The following HSF5 variants were observed in gnomAD, a reference collection of about 807,000 sequenced individuals.
HSF5 encodes heat shock factor protein 5.
Under a neutral mutation model 50.8 loss-of-function variants are expected in HSF5, and 5 were observed. That is an observed-to-expected ratio of 0.10 (90% CI 0.05 to 0.21). The LOEUF (loss-of-function observed/expected upper bound fraction) is 0.21. HSF5 is among the 10% of genes least tolerant of loss of function. HSF5 has a pLI of 1.00. For synonymous variants in HSF5, 307 were observed against 307.4 expected (o/e 1.00, Z 0.02); for missense variants, 564 against 762.6 (o/e 0.74, Z 3.07).
chr17:58,460,715 TAA>T (rs34530310), intron 4 of HSF5, among the ~76,000 whole-genome samples: 22,851 of 151,156 alleles, frequency 0.15, 2,080 homozygotes, highest in Non-Finnish European at 0.21. Context: ...TTCACCGTGT[TAA>T]CCAGGATGGT....
chr17:58,484,483 A>ATG (rs762057069), intron 1 of HSF5, among the ~76,000 whole-genome samples: 1 of 152,026 alleles, frequency 6.6e-6, no homozygotes, highest in African/African-American at 2.4e-5. Flanking sequence ...GTTGGTTTTT[A>ATG]TGTGTGTGTG....
At chr17:58,457,810 A>G (rs1440960147) in intron 5 of HSF5, among the ~76,000 whole-genome samples, 2 of 152,252 alleles carry the variant, frequency 1.3e-5, no homozygotes, top group Non-Finnish European at 2.9e-5. Flanking sequence ...TTCAGTGGTA[A>G]GAAATCTTTA....
intron 5 of HSF5, among the ~76,000 whole-genome samples, chr17:58,441,371 T>C (rs1974495818): frequency 1.3e-5 from 2 of 152,190 alleles, no homozygotes; most frequent in Non-Finnish European, 2.9e-5. Context: ...GCTGAAGCGA[T>C]GTTTAAAGGG....
chr17:58,470,862 G>A (rs1392923790), intron 2 of HSF5, among the ~76,000 whole-genome samples: 2 of 152,092 alleles, frequency 1.3e-5, no homozygotes, highest in African/African-American at 4.8e-5. Flanking sequence ...GGAGGCAGAG[G>A]TTGCAGTCAG....
At chr17:58,446,010 C>T (rs1974556800) in intron 5 of HSF5, among the ~76,000 whole-genome samples, 1 of 151,788 alleles carries the variant, frequency 6.6e-6, no homozygotes. Context: ...TGGTGGCAGG[C>T]GCCTGTAATA....
chr17:58,485,695 C>T (rs1299590229), intron 1 of HSF5, among the ~76,000 whole-genome samples: 1 of 140,148 alleles, frequency 7.1e-6, no homozygotes, highest in Non-Finnish European at 1.5e-5. Flanking sequence ...TGCAGTGAGC[C>T]AAGATCTTGC....
intron 5 of HSF5, among the ~76,000 whole-genome samples, chr17:58,427,135 C>T (rs1974306695): frequency 1.3e-5 from 2 of 152,006 alleles, no homozygotes; most frequent in Admixed American, 1.3e-4. Context: ...AGTGTGGTGG[C>T]ATGTGGCTAT....
chr17:58,436,423 A>T (rs1327238068), intron 5 of HSF5, among the ~76,000 whole-genome samples: 1 of 151,806 alleles, frequency 6.6e-6, no homozygotes, highest in Admixed American at 6.6e-5. Flanking sequence ...TGAAAATGTG[A>T]TTAGGTGTCA....
At chr17:58,442,069 C>T (rs756569924) in intron 5 of HSF5, among the ~76,000 whole-genome samples, 1 of 152,164 alleles carries the variant, frequency 6.6e-6, no homozygotes, top group Non-Finnish European at 1.5e-5. Context: ...TTGTATGGGT[C>T]TTTGGCATTG....
chr17:58,450,580 C>A (rs1486128435), intron 5 of HSF5, among the ~76,000 whole-genome samples: 1 of 150,048 alleles, frequency 6.7e-6, no homozygotes, highest in Non-Finnish European at 1.5e-5. Context: ...ATGGAGAAAC[C>A]CTGTCTCTAC....
chr17:58,467,734 A>G (rs542818693), intron 2 of HSF5, among the ~76,000 whole-genome samples: 1 of 152,258 alleles, frequency 6.6e-6, no homozygotes, highest in African/African-American at 2.4e-5. Context: ...GTTAGCTGCT[A>G]TTATTTTAAC....
At chr17:58,432,405 G>A (rs374715894) in intron 5 of HSF5, among the ~76,000 whole-genome samples, 1 of 152,204 alleles carries the variant, frequency 6.6e-6, no homozygotes, top group Non-Finnish European at 1.5e-5. Flanking sequence ...GGCATGGTCA[G>A]GAAGATTTCT....
In HSF5 at chr17:58,462,820, C is replaced by G; in HGVS notation, c.1504G>C (p.Val502Leu). The change falls in exon 4 of 6, where the codon GTA becomes CTA. Residue 502 changes from valine (V) to leucine (L), a missense_variant. Physicochemically the swap from Val to Leu is conservative, Grantham distance 32. Around this residue, in one of 5 missense-constraint regions of HSF5, gnomAD observed 441 missense variants for 533.6 expected, o/e 0.83. Transcript: ENST00000323777. ...AATGGTGGCCCTTCCTGCACAAATA[C>G]TACTGAAGATGGAGATGGATTATGA... is the stretch of plus-strand genomic sequence containing the variant. Reference protein sequence around the residue: ...LNHNPSPSSVVFVQEGPPFST... With the variant: ...LNHNPSPSSVLFVQEGPPFST... 5 of 1,612,426 alleles carry G rather than the reference C, an allele frequency of 3.1e-6. No homozygotes were observed. The highest frequency in any genetic ancestry group is 4.2e-6 in the Non-Finnish European group (5 of 1,179,090).
chr17:58,485,713 C>T (rs1357933519), intron 1 of HSF5, among the ~76,000 whole-genome samples: 1 of 147,552 alleles, frequency 6.8e-6, no homozygotes, highest in African/African-American at 2.5e-5. Context: ...TGCCACTGCA[C>T]TCCAGCCTGG....
intron 2 of HSF5, among the ~76,000 whole-genome samples, chr17:58,474,435 A>C (rs1383251358): frequency 6.6e-6 from 1 of 152,190 alleles, no homozygotes; most frequent in Non-Finnish European, 1.5e-5. Context: ...CAAAACAAAA[A>C]TTCAGTTAAC....
At chr17:58,482,636 G>A (rs1975113288) in intron 1 of HSF5, among the ~76,000 whole-genome samples, 1 of 147,134 alleles carries the variant, frequency 6.8e-6, no homozygotes, top group South Asian at 2.2e-4. Context: ...CTTGAACCTG[G>A]GAGGTGGAGG....
chr17:58,435,956 CTA>C (rs1421942462), intron 5 of HSF5, among the ~76,000 whole-genome samples: 1 of 149,900 alleles, frequency 6.7e-6, no homozygotes, highest in Non-Finnish European at 1.5e-5. Flanking sequence ...TCTATTGCTA[CTA>C]TGTATGGACT....
intron 4 of HSF5, among the ~76,000 whole-genome samples, chr17:58,460,538 C>G (rs1974780082): frequency 6.7e-6 from 1 of 150,144 alleles, no homozygotes; most frequent in South Asian, 2.1e-4. Context: ...GAGACGGAGT[C>G]TCGCTCTGTC....
Position 58,488,173 on chromosome 17 carries a change from G to A in HSF5, c.102C>T (p.Gly34=). The change falls in exon 1 of 6, where the codon GGC becomes GGT. Residue 34 remains glycine (G), a synonymous_variant. Transcript: ENST00000323777. The surrounding 1 kb of genome is among the most constrained non-coding windows in gnomAD (Gnocchi z 4.1). ...GATCGATAAGCAGCCCCTCGCCGCGGCCGTCCCAGCGGATGGAGCGGTAGC... is the reference window on the plus strand; with the variant it reads ...GATCGATAAGCAGCCCCTCGCCGCGACCGTCCCAGCGGATGGAGCGGTAGC... ...SPRYRSIRWD[G]RGEGLLIDQP... is the part of the protein sequence containing the mutation. The A allele has an allele frequency of 6.5e-7, 1 of 1,531,566 alleles. No homozygotes were observed. Among genetic ancestry groups the A allele is most frequent in the South Asian group, 1.2e-5 (1 of 81,682 alleles). The allele number at this position is 1,531,566 out of a possible 1,614,324, so 94.9% of individuals were successfully genotyped here.
Sources: gnomAD v4.1 joint callset for allele counts (sites outside exome capture counted in the v4.1 genomes callset) on GRCh38, gnomAD v4.1.1 for gene constraint, gnomAD v4.1.1 regional missense constraint, Gnocchi (gnomAD v3.1) non-coding constraint, MANE v1.5 for transcripts, NCBI Gene and HGNC (gene_info 2026-07-23, HGNC 2026-07-21) for gene names.